Variants in AGBL1 observed in about 807,000 individuals in gnomAD.
AGBL1 encodes cytosolic carboxypeptidase 4.
Under a neutral mutation model 118.9 loss-of-function variants are expected in AGBL1, and 130 were observed. That is an observed-to-expected ratio of 1.09 (90% CI 0.95 to 1.26). The LOEUF (loss-of-function observed/expected upper bound fraction) is 1.26. AGBL1 is among the 50% of genes most tolerant of loss of function. The probability of loss-of-function intolerance (pLI) is 0.00; values close to 1 mark genes in which losing one functional copy is unlikely to be tolerated. For synonymous variants in AGBL1, 555 were observed against 478.9 expected, an observed-to-expected ratio of 1.16 and a Z score of -2.08; for missense variants, 1,584 against 1,298.1, an observed-to-expected ratio of 1.22 and a Z score of -3.38.
intron 22 of AGBL1, among the ~76,000 whole-genome samples, chr15:86,765,306 A>G (rs2078080801): frequency 6.6e-6 from 1 of 152,014 alleles, no homozygotes; most frequent in African/African-American, 2.4e-5. Flanking sequence ...CAACCATGAC[A>G]GTCACTGGAG....
chr15:86,772,554 C>T (rs1361579557), intron 22 of AGBL1, among the ~76,000 whole-genome samples: 1 of 151,966 alleles, frequency 6.6e-6, no homozygotes, highest in Non-Finnish European at 1.5e-5. Context: ...TTCATAAGCA[C>T]ACATGAGATC....
At chr15:86,940,457 T>G (rs1265932547) in intron 23 of AGBL1, among the ~76,000 whole-genome samples, 1 of 152,110 alleles carries the variant, frequency 6.6e-6, no homozygotes. Context: ...AAATACTCAT[T>G]AAGTACTGGT....
chr15:86,921,307 C>G (rs1032886163), intron 23 of AGBL1, among the ~76,000 whole-genome samples: 7 of 152,124 alleles, frequency 4.6e-5, no homozygotes, highest in African/African-American at 1.4e-4. Flanking sequence ...AAATTTAGAA[C>G]AGAAAATGGC....
intron 22 of AGBL1, among the ~76,000 whole-genome samples, chr15:86,881,105 C>A (rs888877564): frequency 2.0e-5 from 3 of 152,154 alleles, no homozygotes; most frequent in African/African-American, 7.2e-5. Flanking sequence ...TCACCTCCTT[C>A]CTCACCAGAC....
At chr15:86,693,974 A>G (rs548894204) in intron 22 of AGBL1, among the ~76,000 whole-genome samples, 24 of 152,280 alleles carry the variant, frequency 1.6e-4, no homozygotes, top group African/African-American at 5.5e-4. Context: ...TTATGCCAGC[A>G]CCATGATATT....
chr15:86,277,730 T>A (rs2079280617), intron 15 of AGBL1, among the ~76,000 whole-genome samples: 1 of 152,162 alleles, frequency 6.6e-6, no homozygotes, highest in Non-Finnish European at 1.5e-5. Flanking sequence ...CACCTATTAT[T>A]TTTGAGTCAA....
intron 18 of AGBL1, among the ~76,000 whole-genome samples, chr15:86,441,775 G>A (rs1168330127): frequency 6.6e-6 from 1 of 152,198 alleles, no homozygotes; most frequent in Non-Finnish European, 1.5e-5. Flanking sequence ...GTTGGCAGCA[G>A]GAGTTAAGCC....
intron 5 of AGBL1, among the ~76,000 whole-genome samples, chr15:86,168,388 A>G (rs1055217269): frequency 6.6e-6 from 1 of 152,220 alleles, no homozygotes; most frequent in African/African-American, 2.4e-5. Flanking sequence ...AGCAAAGACA[A>G]AAAAGCATGA....
In AGBL1 at chr15:86,262,874, G is replaced by T. The variant is rs924728917; in HGVS notation, c.1066G>T (p.Glu356Ter). The T allele has an allele frequency of 3.1e-6, 5 of 1,607,848 alleles. No individual in the cohort carries two copies. Among genetic ancestry groups the T allele is most frequent in the African/African-American group, 1.3e-5 (1 of 74,858 alleles). Residue 356 changes from glutamate (E) to a stop codon, truncating the protein, a stop_gained, in exon 10 of 23, where the codon GAG (glutamate) becomes TAG (stop). Coordinates refer to ENST00000614907, the MANE Select transcript of AGBL1 (RefSeq NM_001386094.1). LOFTEE classifies it high-confidence loss of function. ...GATGCAATATGAGGTGATGTGTCTT[G>T]AGCTCTCCTATAGCTTTGAGGTAGG... ...ELMQYEVMCLELSYSFEELQS... is the reference protein window; with the variant it reads ...ELMQYEVMCL
chr15:86,848,794 A>G (rs548818323), intron 22 of AGBL1, among the ~76,000 whole-genome samples: 2 of 152,320 alleles, frequency 1.3e-5, no homozygotes, highest in African/African-American at 2.4e-5. Flanking sequence ...AAATATATTT[A>G]TCTTTAAACT....
intron 21 of AGBL1, among the ~76,000 whole-genome samples, chr15:86,565,903 G>T (rs2083905945): frequency 6.6e-6 from 1 of 152,212 alleles, no homozygotes; most frequent in African/African-American, 2.4e-5. Flanking sequence ...AATGAGCGAG[G>T]CTCCATGGGC....
intron 18 of AGBL1, among the ~76,000 whole-genome samples, chr15:86,473,789 G>A (rs975280371): frequency 6.6e-6 from 1 of 152,104 alleles, no homozygotes; most frequent in South Asian, 2.1e-4. Flanking sequence ...TGTTGCCAAC[G>A]TTTGCCTATA....
At chr15:86,164,889 G>A (rs541843576) in intron 5 of AGBL1, among the ~76,000 whole-genome samples, 21 of 152,286 alleles carry the variant, frequency 1.4e-4, no homozygotes, top group African/African-American at 4.8e-4. Context: ...TTTCTCTGGA[G>A]CTGCCCCAAG....
intron 6 of AGBL1, 131 bp from the exon 7 acceptor site, chr15:86,247,540 G>T: frequency 9.5e-7 from 1 of 1,047,474 alleles, no homozygotes; most frequent in East Asian, 2.6e-5. Context: ...ACATCTGCCA[G>T]TTTTCATACT....
In AGBL1 at chr15:86,087,342, T is replaced by C. The variant is rs565963062; in HGVS notation, c.51+7319T>C. Among the ~76,000 whole-genome samples, 336 of 152,196 alleles carry C rather than the reference T, an allele frequency of 2.2e-3. 15 individuals carry two copies. The South Asian group carries it at 0.066, about 30-fold the overall frequency. ...GTCTCATTTAATGGGCTTTTTTTTT[T>C]TTTTTTGACATTGTCTTGCTCTTTC... On this transcript the variant is annotated intron_variant, in intron 1 of 22. Coordinates refer to ENST00000614907, the MANE Select transcript of AGBL1 (RefSeq NM_001386094.1).
chr15:86,530,197 G>C (rs1317869718), intron 19 of AGBL1, among the ~76,000 whole-genome samples: 8 of 141,210 alleles, frequency 5.7e-5, no homozygotes, highest in African/African-American at 2.2e-4. Context: ...CATCAGTGTG[G>C]TGTATTCAGG....
chr15:86,161,241 A>G (rs2077263436), intron 5 of AGBL1, among the ~76,000 whole-genome samples: 1 of 152,128 alleles, frequency 6.6e-6, no homozygotes, highest in Non-Finnish European at 1.5e-5. Context: ...TTAAAACCAA[A>G]CCTCTGTAGG....
chr15:86,462,357 T>A (rs1039288469), intron 18 of AGBL1, among the ~76,000 whole-genome samples: 2 of 152,170 alleles, frequency 1.3e-5, no homozygotes, highest in African/African-American at 4.8e-5. Context: ...CTCTCCTTTA[T>A]TTAAGTTGTT....
chr15:86,102,484 C>A (rs989874160), intron 1 of AGBL1, among the ~76,000 whole-genome samples: 2 of 152,140 alleles, frequency 1.3e-5, no homozygotes, highest in Non-Finnish European at 2.9e-5. Context: ...AGTGGTGATA[C>A]CTTTTCTCAG....
Sources: allele counts gnomAD v4.1 joint callset (sites outside exome capture counted in the v4.1 genomes callset), GRCh38; gene constraint gnomAD v4.1.1; transcripts MANE v1.5; gene names NCBI Gene and HGNC (gene_info 2026-07-23, HGNC 2026-07-21).